SNTG1: variants seen among roughly 807,000 people sequenced by gnomAD.
SNTG1 encodes syntrophin gamma 1.
In SNTG1, 39 loss-of-function variants were observed where a neutral mutation model predicts 74.7. The observed-to-expected ratio is 0.52, with a 90% CI of 0.40 to 0.68. The LOEUF (loss-of-function observed/expected upper bound fraction) is 0.68, where lower values mean the gene tolerates loss of function less well. Ranked by LOEUF, SNTG1 falls within the 30% of genes least tolerant of loss-of-function variation. SNTG1 has a pLI of 0.00. For missense variants in SNTG1, 685 were observed against 609.5 expected (o/e 1.12, Z -1.30); for synonymous variants, 254 against 217.1 (o/e 1.17, Z -1.49).
At chr8:50,551,163 C>G (rs376954958) in intron 11 of SNTG1, among the ~76,000 whole-genome samples, 1 of 152,002 alleles carries the variant, frequency 6.6e-6, no homozygotes, top group Non-Finnish European at 1.5e-5. Flanking sequence ...GTAATGGAGG[C>G]CCCAGATAAC....
rs185437774 is a variant in SNTG1, at chr8:50,008,711, G to T, written c.-103+96480G>T. Among the ~76,000 whole-genome samples the T allele has an allele frequency of 1.7e-3, 264 of 152,276 alleles. 1 individual carries two copies. Among genetic ancestry groups the T allele is most frequent in the Non-Finnish European group, 1.8e-3 (121 of 68,014 alleles). On this transcript the variant is annotated intron_variant, in intron 1 of 18. Coordinates refer to ENST00000642720, the MANE Select transcript of SNTG1 (RefSeq NM_018967.5). ...TTATGCTGATTTAATCCTTCCTACA[G>T]CTTGTCTCAGTTAATCAAATTATAT...
intron 17 of SNTG1, among the ~76,000 whole-genome samples, chr8:50,747,198 T>C (rs1050551018): frequency 1.3e-5 from 2 of 151,936 alleles, no homozygotes; most frequent in African/African-American, 4.8e-5. Flanking sequence ...TAATGCACTG[T>C]AGGCCTATAT....
intron 18 of SNTG1, among the ~76,000 whole-genome samples, chr8:50,779,991 A>G (rs2095653947): frequency 6.6e-6 from 1 of 152,080 alleles, no homozygotes; most frequent in African/African-American, 2.4e-5. Flanking sequence ...TTCTGTTTAT[A>G]TGCTGGATTA....
At chr8:50,448,360 T>C (rs1300053292) in intron 5 of SNTG1, among the ~76,000 whole-genome samples, 1 of 152,182 alleles carries the variant, frequency 6.6e-6, no homozygotes, top group African/African-American at 2.4e-5. Context: ...CTATTGACTA[T>C]TTTATATTTA....
intron 1 of SNTG1, among the ~76,000 whole-genome samples, chr8:49,940,135 G>C (rs1346806999): frequency 6.6e-6 from 1 of 152,138 alleles, no homozygotes; most frequent in Non-Finnish European, 1.5e-5. Flanking sequence ...CAGAGAAATT[G>C]CACACTGAGT....
chr8:50,365,531 TAA>T (rs2092084893), intron 2 of SNTG1, among the ~76,000 whole-genome samples: 1 of 152,156 alleles, frequency 6.6e-6, no homozygotes, highest in African/African-American at 2.4e-5. Flanking sequence ...ATATCTGATC[TAA>T]AGTATTTAGG....
chr8:50,325,627 T>A lies in SNTG1; in HGVS notation c.-27-68585T>A, dbSNP rs147809654. On this transcript the variant is annotated intron_variant, in intron 2 of 18. Transcript: ENST00000642720. ...GGAGTTATTTTGTCAATTATAGTATTTTCTATGTACACTATCAAGCTTGCA... is the reference window on the plus strand; with the variant it reads ...GGAGTTATTTTGTCAATTATAGTATATTCTATGTACACTATCAAGCTTGCA... Among the ~76,000 whole-genome samples, 502 of 152,206 alleles carry A rather than the reference T, an allele frequency of 3.3e-3. 3 individuals are homozygous for A. The highest frequency in any genetic ancestry group is 0.011 in the African/African-American group (478 of 41,578).
chr8:50,792,212 T>C (rs540500588), intron 18 of SNTG1, among the ~76,000 whole-genome samples: 78 of 151,818 alleles, frequency 5.1e-4, no homozygotes, highest in Non-Finnish European at 8.8e-4. Context: ...ATCCCCTTAC[T>C]TCTAGCATTT....
Position 50,572,235 on chromosome 8 carries a change from T to C in SNTG1, c.811-18644T>C, listed in dbSNP as rs140252486. ...CTCAGAGACTTAGGATTATTTATTG[T>C]ATGTTTGTTTCTATCACCTATTTTA... On this transcript the variant is annotated intron_variant, in intron 12 of 18. Transcript: ENST00000642720. Among the ~76,000 whole-genome samples, 800 of 147,266 alleles carry C rather than the reference T, an allele frequency of 5.4e-3. 6 individuals are homozygous for C. Among genetic ancestry groups the C allele is most frequent in the African/African-American group, 0.019 (743 of 39,718 alleles).
At chr8:50,121,331 G>A (rs1419341127) in intron 1 of SNTG1, among the ~76,000 whole-genome samples, 1 of 141,824 alleles carries the variant, frequency 7.1e-6, no homozygotes, top group Non-Finnish European at 1.6e-5. Context: ...AACTAGATGG[G>A]CTCAAAGGCC....
At chr8:50,180,810 G>C (rs1484517057) in intron 2 of SNTG1, among the ~76,000 whole-genome samples, 4 of 134,274 alleles carry the variant, frequency 3.0e-5, no homozygotes, top group Non-Finnish European at 6.1e-5. Flanking sequence ...GCCCAAGCTG[G>C]AGTGCAATGG....
upstream of SNTG1, chr8:49,909,839 G>C (rs1458768835): frequency 1.3e-5 from 2 of 152,458 alleles, no homozygotes; most frequent in Admixed American, 1.3e-4. Context: ...GGCCACCCCA[G>C]GGAAATAAAG....
chr8:50,503,804 C>T (rs2093983844), intron 9 of SNTG1, among the ~76,000 whole-genome samples: 1 of 152,028 alleles, frequency 6.6e-6, no homozygotes, highest in Non-Finnish European at 1.5e-5. Context: ...AGCACTGTTC[C>T]CAGTATTTTG....
At position 49,975,232 on chromosome 8, in the gene SNTG1, A is replaced by AC. The variant is rs199570844; in HGVS notation, c.-103+63003dup. 1.7e-3 allele frequency among the ~76,000 whole-genome samples: 260 copies of AC among 152,242 alleles called. 4 individuals are homozygous for AC. The East Asian group carries it at 0.043, about 25-fold the overall frequency. ...TTTTAGACTGCCTTAATTCATAATCACCTCAACTGCCGAGATTATTTAGCA... is the reference window on the plus strand; with the variant it reads ...TTTTAGACTGCCTTAATTCATAATCACCCTCAACTGCCGAGATTATTTAGCA... On this transcript the variant is annotated intron_variant, in intron 1 of 18. Transcript: ENST00000642720.
At chr8:50,533,119 A>G (rs1421051459) in intron 10 of SNTG1, among the ~76,000 whole-genome samples, 4 of 152,232 alleles carry the variant, frequency 2.6e-5, no homozygotes, top group Admixed American at 2.6e-4. Context: ...TGTTTTGCCA[A>G]CCAAGACCTT....
intron 15 of SNTG1, among the ~76,000 whole-genome samples, chr8:50,666,371 A>G (rs1273445804): frequency 1.3e-5 from 2 of 152,132 alleles, no homozygotes; most frequent in Admixed American, 6.6e-5. Context: ...AATGAAGCCC[A>G]AGGACTAGAC....
At chr8:49,944,880 C>T (rs915425081) in intron 1 of SNTG1, among the ~76,000 whole-genome samples, 2 of 151,960 alleles carry the variant, frequency 1.3e-5, no homozygotes, top group Non-Finnish European at 2.9e-5. Flanking sequence ...CTTCATCTCC[C>T]GGGCTCAAGC....
chr8:50,570,479 G>A (rs771456901), intron 12 of SNTG1, among the ~76,000 whole-genome samples: 16 of 149,060 alleles, frequency 1.1e-4, no homozygotes, highest in Non-Finnish European at 2.2e-4. Context: ...GGCTGGTCTT[G>A]AACTCCTAAC....
chr8:50,205,633 G>T (rs2084194096), intron 2 of SNTG1, among the ~76,000 whole-genome samples: 1 of 152,164 alleles, frequency 6.6e-6, no homozygotes, highest in Non-Finnish European at 1.5e-5. Flanking sequence ...TAGTCATGAA[G>T]TCCTTGCCCA....
Sources: gnomAD v4.1 joint callset for allele counts (sites outside exome capture counted in the v4.1 genomes callset) on GRCh38, gnomAD v4.1.1 for gene constraint, MANE v1.5 for transcripts, NCBI Gene and HGNC (gene_info 2026-07-23, HGNC 2026-07-21) for gene names.